Variants in DIMT1 observed in about 807,000 individuals in gnomAD.
DIMT1 encodes the protein DIM1 rRNA methyltransferase and ribosome maturation factor.
In DIMT1, 36 loss-of-function variants were observed where a neutral mutation model predicts 43.2. The observed-to-expected ratio is 0.83, with a 90% CI of 0.64 to 1.10. The LOEUF (loss-of-function observed/expected upper bound fraction) is 1.10, where lower values mean the gene tolerates loss of function less well. Ranked by LOEUF, DIMT1 falls within the 50% of genes least tolerant of loss-of-function variation. DIMT1 has a pLI of 0.00. For synonymous variants in DIMT1, 126 were observed against 130.3 expected (o/e 0.97, Z 0.22); for missense variants, 341 against 385.3 (o/e 0.88, Z 0.96).
At position 62,394,009 on chromosome 5, in the gene DIMT1, T is replaced by G. The variant is rs761248584; in HGVS notation, c.609A>C (p.Glu203Asp). The change falls in exon 8 of 12, where the codon GAA becomes GAC. Residue 203 changes from glutamate to aspartate, a missense_variant. By Grantham distance (45) the Glu-to-Asp change is conservative (BLOSUM62 2). Transcript: ENST00000199320. ...KNNFRPPPKVESSVVRIEPKN... is the reference protein window; with the variant it reads ...KNNFRPPPKVDSSVVRIEPKN... ...TAGGTTCTATCCTTACAACACTGGA[T>G]TCCACCTTGGGCGGTGGTCTGAAGT... 1.0e-4 allele frequency: 167 copies of G among 1,612,410 alleles called. No individual in the cohort carries two copies. The highest frequency in any genetic ancestry group is 1.3e-4 in the Non-Finnish European group (158 of 1,179,660).
At position 62,398,649 on chromosome 5, in the gene DIMT1, A is replaced by G. The variant is rs749880949; in HGVS notation, c.393T>C (p.Tyr131=). The change falls in exon 5 of 12, where the codon TAT becomes TAC. Residue 131 remains tyrosine (Y), a synonymous_variant. Transcript: ENST00000199320. The part of the protein sequence containing the change: ...FFDTCVANLP[Y]QISSPFVFKL... ...TCCTGAAAATGTGAGGACATACCTG[A>G]TAAGGCAAATTTGCCACACAAGTAT... is the stretch of plus-strand genomic sequence containing the variant. 1.9e-6 allele frequency: 3 copies of G among 1,614,234 alleles called. No individual in the cohort carries two copies. In the Admixed American group the frequency reaches 5.0e-5, roughly 27 times the overall value.
intron 6 of DIMT1, among the ~76,000 whole-genome samples, chr5:62,395,238 T>C (rs1447300311): frequency 6.6e-6 from 1 of 152,038 alleles, no homozygotes; most frequent in African/African-American, 2.4e-5. Flanking sequence ...TTGGCCAGGC[T>C]GGTCTGGAAC....
At chr5:62,389,181 C>G (rs2112028970) in intron 11 of DIMT1, 129 bp from the exon 12 acceptor site, 1 of 752,628 alleles carries the variant, frequency 1.3e-6, no homozygotes, top group Non-Finnish European at 2.1e-6. Flanking sequence ...ACTCCTAATA[C>G]TAGTTATTAA....
At position 62,388,863 on chromosome 5, in the gene DIMT1, C is replaced by T. The variant is rs1190311845; in HGVS notation, c.*147G>A. ...ACTTTCCAACTTTAAAATTCAGAATCATAAATGGTGACAACAGTAGTAGTA... is the reference window on the plus strand; with the variant it reads ...ACTTTCCAACTTTAAAATTCAGAATTATAAATGGTGACAACAGTAGTAGTA... On this transcript the variant is annotated 3_prime_UTR_variant, in exon 12 of 12. Coordinates refer to ENST00000199320, the MANE Select transcript of DIMT1 (RefSeq NM_014473.4). The T allele has an allele frequency of 3.0e-5, 21 of 707,456 alleles. No individual in the cohort carries two copies. The highest frequency in any genetic ancestry group is 4.8e-5 in the Non-Finnish European group (20 of 415,170). 43.8% of individuals were successfully genotyped at this position (707,456 alleles called of 1,614,324 possible).
chr5:62,403,719 C>A lies in DIMT1; in HGVS notation c.54G>T (p.Gln18His). Residue 18 changes from glutamine to histidine, a missense_variant, in exon 1 of 12, where the codon CAG becomes CAT. By Grantham distance (24) the Gln-to-His change is conservative (BLOSUM62 0). Coordinates refer to ENST00000199320, the MANE Select transcript of DIMT1 (RefSeq NM_014473.4). Reference sequence around the variant, plus strand: ...CTCCAGCGCTCTTCAGCTCCCGGCGCTGCTCCTGCCGCCCGCGGCGGCGGC... The same window carrying A: ...CTCCAGCGCTCTTCAGCTCCCGGCGATGCTCCTGCCGCCCGCGGCGGCGGC... ...AIGRRRGRQE[Q>H]RRELKSAGGL... is the part of the protein sequence containing the mutation. The A allele has an allele frequency of 6.2e-7, 1 of 1,609,986 alleles. No homozygotes were observed.
Position 62,402,103 on chromosome 5 carries a change from T to C in DIMT1, c.173A>G (p.Asp58Gly). Reference sequence around the variant, plus strand: ...TCCAGGTCCAACTTCCAGCACTACATCAGTTGGTCTTAAGGCAGCCTAAAA... The same window carrying C: ...TCCAGGTCCAACTTCCAGCACTACACCAGTTGGTCTTAAGGCAGCCTAAAA... ...IIDKAALRPT[D>G]VVLEVGPGTG... The change falls in exon 3 of 12, where the codon GAT becomes GGT. Residue 58 changes from aspartate to glycine, a missense_variant. Asp to Gly is a moderately conservative substitution (Grantham distance 94). Coordinates refer to ENST00000199320, the MANE Select transcript of DIMT1 (RefSeq NM_014473.4). 6.2e-7 allele frequency: 1 copy of C among 1,613,986 alleles called. No homozygotes were observed. The highest frequency in any genetic ancestry group is 1.1e-5 in the South Asian group (1 of 91,080).
chr5:62,394,154 A>T, intron 7 of DIMT1, 107 bp from the exon 8 acceptor site: 1 of 1,040,898 alleles, frequency 9.6e-7, no homozygotes, highest in Non-Finnish European at 1.4e-6. Context: ...AGGATGAATT[A>T]AGCTAGATTA....
chr5:62,403,838 A>C lies in DIMT1; in HGVS notation c.-66T>G, dbSNP rs371697480. On this transcript the variant is annotated 5_prime_UTR_variant, in exon 1 of 12. Coordinates refer to ENST00000199320, the MANE Select transcript of DIMT1 (RefSeq NM_014473.4). ...GGACCAAAGAGGGCTAGCGTGAGAAAGCCACCACGTGGGGATCGCCGCCAC... is the reference window on the plus strand; with the variant it reads ...GGACCAAAGAGGGCTAGCGTGAGAACGCCACCACGTGGGGATCGCCGCCAC... 3.3e-6 allele frequency: 5 copies of C among 1,537,668 alleles called. No homozygotes were observed. Among genetic ancestry groups the C allele is most frequent in the African/African-American group, 2.8e-5 (2 of 72,618 alleles).
Position 62,394,607 on chromosome 5 carries a change from C to T in DIMT1, c.447G>A (p.Arg149=), listed in dbSNP as rs1742416377. The T allele has an allele frequency of 6.2e-7, 1 of 1,613,584 alleles. No individual in the cohort carries two copies. Among genetic ancestry groups the T allele is most frequent in the African/African-American group, 1.3e-5 (1 of 74,986 alleles). Residue 149 remains arginine, a splice_region_variant and synonymous_variant, in exon 7 of 12, where the codon AGG becomes AGA. Coordinates refer to ENST00000199320, the MANE Select transcript of DIMT1 (RefSeq NM_014473.4). ...CTCTTTGAAACATAAGTATAGCACA[C>T]CTGAAAAGAAAGCAGAAAGGAATAA... ...FKLLLHRPFF[R]CAILMFQREF... is the part of the protein sequence containing the mutation.
chr5:62,394,673 A>G (rs1316388555), intron 6 of DIMT1, 66 bp from the exon 7 acceptor site: 2 of 1,600,042 alleles, frequency 1.2e-6, no homozygotes, highest in Non-Finnish European at 1.7e-6. Context: ...TTTTAACTGC[A>G]ATGAATTTTC....
chr5:62,395,569 A>G (rs903972041), intron 6 of DIMT1, among the ~76,000 whole-genome samples: 4 of 150,574 alleles, frequency 2.7e-5, no homozygotes, highest in Non-Finnish European at 5.9e-5. Flanking sequence ...CCTGTGATAT[A>G]TTCTATTCCA....
intron 3 of DIMT1, among the ~76,000 whole-genome samples, chr5:62,400,700 C>G (rs1378833743): frequency 2.0e-5 from 3 of 151,646 alleles, no homozygotes; most frequent in African/African-American, 7.3e-5. Context: ...CTATATAGAC[C>G]CTGTTTACAT....
rs1742778123 is a variant in DIMT1, at chr5:62,403,344, G to A, written c.82C>T (p.Leu28Phe). The change falls in exon 2 of 12, where the codon CTC (leucine) becomes TTC (phenylalanine). Residue 28 changes from leucine (L) to phenylalanine (F), a missense_variant and splice_region_variant. Transcript: ENST00000199320. ...TGCCCAATCCCCGTGTTGAACATGA[G>A]TCCTGTAAGAAAATACGAAACAGCA... The part of the protein sequence containing the change: ...QRRELKSAGG[L>F]MFNTGIGQHI... 6.2e-7 allele frequency: 1 copy of A among 1,613,716 alleles called. No homozygotes were observed. Among genetic ancestry groups the A allele is most frequent in the African/African-American group, 1.3e-5 (1 of 75,028 alleles).
At chr5:62,390,750 A>C in intron 11 of DIMT1, 126 bp downstream of exon 11, 1 of 736,444 alleles carries the variant, frequency 1.4e-6, no homozygotes. Flanking sequence ...ATTCCATGCC[A>C]TGGAAGTGCT....
chr5:62,400,570 G>A (rs1742664464), intron 3 of DIMT1, among the ~76,000 whole-genome samples: 1 of 151,794 alleles, frequency 6.6e-6, no homozygotes, highest in African/African-American at 2.4e-5. Flanking sequence ...TTTTTATAGA[G>A]ATTGGGTCTC....
chr5:62,391,675 C>T (rs1742308762), intron 10 of DIMT1: 1 of 1,195,546 alleles, frequency 8.4e-7, no homozygotes, highest in Non-Finnish European at 1.0e-6. Context: ...ACATCGCACA[C>T]ACTGTTACAC....
intron 6 of DIMT1, among the ~76,000 whole-genome samples, chr5:62,395,817 T>C (rs568306908): frequency 2.6e-5 from 4 of 151,780 alleles, no homozygotes; most frequent in African/African-American, 9.7e-5. Context: ...CAGCCTGGGC[T>C]GAACATGGTG....
chr5:62,391,080 T>A, intron 10 of DIMT1, 98 bp from the exon 11 acceptor site: 2 of 917,986 alleles, frequency 2.2e-6, no homozygotes, highest in Non-Finnish European at 3.5e-6. Flanking sequence ...TAGTCACCTT[T>A]AATATATCTG....
chr5:62,397,066 C>T (rs1742520847), intron 6 of DIMT1, among the ~76,000 whole-genome samples: 1 of 152,210 alleles, frequency 6.6e-6, no homozygotes, highest in Non-Finnish European at 1.5e-5. Context: ...TCCCCTGCCT[C>T]AGCCTCCCGA....
Sources: gnomAD v4.1 joint callset for allele counts (sites outside exome capture counted in the v4.1 genomes callset) on GRCh38, gnomAD v4.1.1 for gene constraint, MANE v1.5 for transcripts, NCBI Gene and HGNC (gene_info 2026-07-23, HGNC 2026-07-21) for gene names.